The following ROBO2 variants were observed in gnomAD, a reference collection of about 807,000 sequenced individuals.
ROBO2 encodes the protein roundabout homolog 2.
Under a neutral mutation model 160.8 loss-of-function variants are expected in ROBO2, and 53 were observed. The ratio of observed to expected loss-of-function variants is 0.33; its 90% CI spans 0.26 to 0.41. The LOEUF (loss-of-function observed/expected upper bound fraction) is 0.41. ROBO2 is among the 10% of genes least tolerant of loss of function. The pLI, the probability that ROBO2 is intolerant of heterozygous loss-of-function variation, is 1.00. For synonymous variants in ROBO2, 664 were observed against 611.7 expected, an observed-to-expected ratio of 1.09 and a Z score of -1.26; for missense variants, 1,577 against 1,722.4, an observed-to-expected ratio of 0.92 and a Z score of 1.49.
chr3:76,776,590 C>T (rs1016266620), intron 2 of ROBO2, among the ~76,000 whole-genome samples: 7 of 150,788 alleles, frequency 4.6e-5, no homozygotes, highest in East Asian at 2.0e-4. Context: ...ATAGCTCATT[C>T]CCCATGTGAA....
At chr3:76,969,454 T>C (rs1488863278) in intron 2 of ROBO2, among the ~76,000 whole-genome samples, 2 of 152,294 alleles carry the variant, frequency 1.3e-5, no homozygotes, top group East Asian at 3.9e-4. Flanking sequence ...TTTTATTATT[T>C]CTAGGGAATG....
At chr3:76,095,188 C>T (rs2069391244) in intron 2 of ROBO2, among the ~76,000 whole-genome samples, 1 of 151,728 alleles carries the variant, frequency 6.6e-6, no homozygotes, top group Admixed American at 6.6e-5. Flanking sequence ...GAGAGAAAAT[C>T]CAAATATGGA....
intron 2 of ROBO2, among the ~76,000 whole-genome samples, chr3:76,202,964 G>A (rs928177168): frequency 1.3e-5 from 2 of 151,760 alleles, no homozygotes; most frequent in African/African-American, 4.9e-5. Flanking sequence ...TAGTAGCTGT[G>A]TGTAGTTCAT....
intron 2 of ROBO2, among the ~76,000 whole-genome samples, chr3:76,826,850 A>C (rs994518599): frequency 6.6e-6 from 1 of 152,196 alleles, no homozygotes; most frequent in African/African-American, 2.4e-5. Context: ...CAAATAGCCC[A>C]GAAGTAAGAG....
chr3:76,255,133 C>A (rs1450576134), intron 2 of ROBO2, among the ~76,000 whole-genome samples: 15 of 152,028 alleles, frequency 9.9e-5, no homozygotes, highest in Admixed American at 9.8e-4. Flanking sequence ...CCTGTGGAGG[C>A]TGTCCATTGG....
At chr3:76,429,806 A>G (rs1427259334) in intron 2 of ROBO2, among the ~76,000 whole-genome samples, 1 of 152,188 alleles carries the variant, frequency 6.6e-6, no homozygotes, top group Non-Finnish European at 1.5e-5. Context: ...GTCTTTTGCC[A>G]TCTGCTAACA....
At chr3:76,038,417 ACATC>A (rs1320847249) in intron 2 of ROBO2, among the ~76,000 whole-genome samples, 2 of 151,954 alleles carry the variant, frequency 1.3e-5, no homozygotes, top group Non-Finnish European at 2.9e-5. Context: ...GGTGTAAGGA[ACATC>A]TTAGAATGAG....
intron 2 of ROBO2, among the ~76,000 whole-genome samples, chr3:76,043,665 C>CCAAAACAAACCAAAA (rs2067356341): frequency 7.8e-6 from 1 of 127,598 alleles, no homozygotes; most frequent in African/African-American, 2.9e-5. Context: ...AAAAACCAAA[C>CCAAAACAAACCAAAA]CAAAACAAAC....
chr3:75,911,340 T>A (rs569163352), intron 1 of ROBO2, among the ~76,000 whole-genome samples: 38 of 152,288 alleles, frequency 2.5e-4, no homozygotes, highest in Non-Finnish European at 4.7e-4. Flanking sequence ...TGAAAACAAA[T>A]GGTATAGCTT....
chr3:76,731,187 C>T (rs2093632837), intron 2 of ROBO2, among the ~76,000 whole-genome samples: 1 of 152,162 alleles, frequency 6.6e-6, no homozygotes, highest in South Asian at 2.1e-4. Context: ...ATATGTATGT[C>T]TATTTTAACC....
At chr3:77,014,390 G>A (rs1193342614) in intron 2 of ROBO2, among the ~76,000 whole-genome samples, 8 of 152,290 alleles carry the variant, frequency 5.3e-5, no homozygotes, top group Admixed American at 4.6e-4. Context: ...GTGGAATTCA[G>A]TCCATCCCCA....
chr3:76,698,343 G>T (rs1416607442), intron 2 of ROBO2, among the ~76,000 whole-genome samples: 1 of 152,302 alleles, frequency 6.6e-6, no homozygotes, highest in Non-Finnish European at 1.5e-5. Context: ...TCTGTTCAGA[G>T]AAATGATAAA....
At chr3:76,476,351 C>T (rs190386951) in intron 2 of ROBO2, among the ~76,000 whole-genome samples, 1 of 152,186 alleles carries the variant, frequency 6.6e-6, no homozygotes, top group East Asian at 1.9e-4. Context: ...AGCTGTTTCT[C>T]TCTTCCCTTT....
Position 77,240,747 on chromosome 3 carries a change from A to G in ROBO2, c.388+142407A>G, listed in dbSNP as rs563367577. On this transcript the variant is annotated intron_variant, in intron 2 of 25. Coordinates refer to ENST00000461745, the Ensembl canonical transcript of ROBO2. ...TATTTGATTAAATTTATACTTCTTT[A>G]CTGCCTTTCAGAAAAGTTGACATTT... is the stretch of plus-strand genomic sequence containing the variant. Among the ~76,000 whole-genome samples, 59 of 152,324 alleles carry G rather than the reference A, an allele frequency of 3.9e-4. 1 individual carries two copies. The South Asian group carries it at 4.8e-3, about 12-fold the overall frequency.
intron 2 of ROBO2, among the ~76,000 whole-genome samples, chr3:76,580,949 T>C (rs910476583): frequency 7.9e-5 from 12 of 152,160 alleles, no homozygotes; most frequent in Non-Finnish European, 1.8e-4. Flanking sequence ...TAGAACAGTA[T>C]CAATAGCAGA....
intron 2 of ROBO2, among the ~76,000 whole-genome samples, chr3:76,456,603 A>T (rs1362529689): frequency 6.6e-6 from 1 of 152,196 alleles, no homozygotes; most frequent in Non-Finnish European, 1.5e-5. Context: ...ATGATGGAGT[A>T]CTATTAAGTA....
rs140166315 is a variant in ROBO2, at chr3:75,985,480, A to G, written c.109+47878A>G. Among the ~76,000 whole-genome samples, 73 of 151,720 alleles carry G rather than the reference A, an allele frequency of 4.8e-4. 1 individual carries two copies. Among genetic ancestry groups the G allele is most frequent in the African/African-American group, 1.6e-3 (68 of 41,538 alleles). On this transcript the variant is annotated intron_variant, in intron 2 of 26. Transcript: ENST00000487694. ...CACAGAAAAGGCAATGCATTGATGC[A>G]TTGTACTATGACATGATAGCTTCAA...
At chr3:77,628,214 T>C (rs2095075246) in intron 23 of ROBO2, among the ~76,000 whole-genome samples, 1 of 152,166 alleles carries the variant, frequency 6.6e-6, no homozygotes, top group Non-Finnish European at 1.5e-5. Flanking sequence ...TGTTTAAATA[T>C]GTATTGATTA....
chr3:76,236,825 T>C (rs1409653936), intron 2 of ROBO2, among the ~76,000 whole-genome samples: 2 of 152,138 alleles, frequency 1.3e-5, no homozygotes, highest in Non-Finnish European at 2.9e-5. Flanking sequence ...ATCAAATTAC[T>C]AGATAACGTA....
Sources: allele counts gnomAD v4.1 joint callset (sites outside exome capture counted in the v4.1 genomes callset), GRCh38; gene constraint gnomAD v4.1.1; transcripts MANE v1.5; gene names NCBI Gene and HGNC (gene_info 2026-07-23, HGNC 2026-07-21).